CAP2: variants seen among roughly 807,000 people sequenced by gnomAD.
CAP2 encodes adenylyl cyclase-associated protein 2.
CAP2 carries 24 observed loss-of-function variants against 57.7 expected under a neutral mutation model. The ratio of observed to expected loss-of-function variants is 0.42; its 90% confidence interval spans 0.30 to 0.58. The LOEUF (loss-of-function observed/expected upper bound fraction) is 0.58. Among genes scored for constraint, CAP2 ranks in the 20% least tolerant of loss-of-function variants. The pLI, the probability that CAP2 is intolerant of heterozygous loss-of-function variation, is 0.22. For missense variants in CAP2, 501 were observed against 590.3 expected (o/e 0.85, Z 1.57); for synonymous variants, 194 against 207.2 (o/e 0.94, Z 0.55).
chr6:17,435,673 G>T (rs1411914897), intron 3 of CAP2, among the ~76,000 whole-genome samples: 1 of 30,962 alleles, frequency 3.2e-5, no homozygotes. Context: ...CTAAAACTTA[G>T]AGTATAATAA....
At chr6:17,526,222 A>G (rs761115057) in intron 7 of CAP2, among the ~76,000 whole-genome samples, 3 of 151,418 alleles carry the variant, frequency 2.0e-5, no homozygotes, top group Admixed American at 1.3e-4. Context: ...GGTTCAAGCT[A>G]TTCTCCTGCC....
intron 11 of CAP2, among the ~76,000 whole-genome samples, chr6:17,546,250 T>C (rs1763044006): frequency 6.6e-6 from 1 of 152,204 alleles, no homozygotes; most frequent in African/African-American, 2.4e-5. Context: ...TGGTATGAGA[T>C]TGTATCTCAC....
chr6:17,395,517 T>C (rs1758643335), intron 1 of CAP2, among the ~76,000 whole-genome samples: 1 of 152,212 alleles, frequency 6.6e-6, no homozygotes, highest in Non-Finnish European at 1.5e-5. Flanking sequence ...AGTAGTTTGC[T>C]ACTCCCACTG....
chr6:17,427,093 A>T (rs1251905108), intron 3 of CAP2, among the ~76,000 whole-genome samples: 1 of 152,196 alleles, frequency 6.6e-6, no homozygotes, highest in Admixed American at 6.6e-5. Flanking sequence ...AGGAAGGTGT[A>T]TCTGAGGTGA....
At chr6:17,515,968 T>C (rs1451556653) in intron 7 of CAP2, among the ~76,000 whole-genome samples, 1 of 152,152 alleles carries the variant, frequency 6.6e-6, no homozygotes, top group Non-Finnish European at 1.5e-5. Flanking sequence ...CCAAATGAAA[T>C]TGATGTTGTT....
chr6:17,533,099 G>A (rs1008804452), intron 7 of CAP2, among the ~76,000 whole-genome samples: 664 of 78,864 alleles, frequency 8.4e-3, no homozygotes, highest in South Asian at 0.014. Flanking sequence ...AAAAAAAAAA[G>A]AACTTGGAAG....
intron 1 of CAP2, among the ~76,000 whole-genome samples, chr6:17,404,502 G>A (rs1758900598): frequency 6.6e-6 from 1 of 152,112 alleles, no homozygotes; most frequent in African/African-American, 2.4e-5. Context: ...CTACTCGGGA[G>A]GCTGAGGCAG....
intron 11 of CAP2, among the ~76,000 whole-genome samples, chr6:17,549,921 C>G (rs1008292466): frequency 1.2e-4 from 18 of 152,140 alleles, no homozygotes; most frequent in African/African-American, 3.6e-4. Context: ...ACTAAAGAAG[C>G]CCCAGCACGT....
chr6:17,438,353 G>A lies in CAP2; in HGVS notation c.222+11663G>A, dbSNP rs538002178. ...TGCACTCCAACCTGGGCGAAAGAAC[G>A]AGATTCCATCTCGAAAAACAAACAA... On this transcript the variant is annotated intron_variant, in intron 3 of 12. Coordinates refer to ENST00000229922, the MANE Select transcript of CAP2 (RefSeq NM_006366.3). Among the ~76,000 whole-genome samples, 20 of 81,564 alleles carry A rather than the reference G, an allele frequency of 2.5e-4. 2 individuals carry two copies. In the East Asian group the frequency reaches 0.013, roughly 52 times the overall value. 53.5% of individuals were successfully genotyped at this position (81,564 alleles called of 152,430 possible).
At chr6:17,525,371 C>T (rs1040093171) in intron 7 of CAP2, among the ~76,000 whole-genome samples, 3 of 151,808 alleles carry the variant, frequency 2.0e-5, no homozygotes, top group South Asian at 2.1e-4. Flanking sequence ...ATTGAACCTG[C>T]GAGGCGGTTG....
intron 12 of CAP2, among the ~76,000 whole-genome samples, chr6:17,553,490 G>A (rs1052045564): frequency 4.6e-5 from 7 of 152,076 alleles, no homozygotes; most frequent in African/African-American, 1.4e-4. Flanking sequence ...AAAATTAGCT[G>A]GGCGTGGTGG....
intron 8 of CAP2, among the ~76,000 whole-genome samples, chr6:17,539,882 C>A (rs2113698474): frequency 6.6e-6 from 1 of 152,238 alleles, no homozygotes; most frequent in South Asian, 2.1e-4. Context: ...GAGTTCAAGA[C>A]CAGCCTGGGC....
intron 1 of CAP2, among the ~76,000 whole-genome samples, chr6:17,398,648 C>A (rs1758730037): frequency 6.6e-6 from 1 of 151,768 alleles, no homozygotes; most frequent in African/African-American, 2.4e-5. Flanking sequence ...CCTCAGCCTC[C>A]CAAGTAGCTG....
intron 4 of CAP2, among the ~76,000 whole-genome samples, chr6:17,474,183 GTCT>G (rs1227545637): frequency 0.016 from 1,677 of 104,704 alleles, 25 homozygotes; most frequent in African/African-American, 0.061. Flanking sequence ...GAAAAAAACA[GTCT>G]TTTTTTTTTT....
intron 4 of CAP2, among the ~76,000 whole-genome samples, chr6:17,475,417 GA>G (rs1439628877): frequency 6.6e-6 from 1 of 152,166 alleles, no homozygotes; most frequent in East Asian, 1.9e-4. Context: ...TTCCTTATGG[GA>G]AATGGGAAGA....
At chr6:17,493,283 C>G (rs1178221249) in intron 4 of CAP2, 1 of 208,396 alleles carries the variant, frequency 4.8e-6, no homozygotes, top group East Asian at 1.2e-4. Context: ...TCATATAACC[C>G]AAATAAGCCA....
chr6:17,536,621 GGAGA>G (rs1203989396), intron 7 of CAP2, among the ~76,000 whole-genome samples: 1 of 152,160 alleles, frequency 6.6e-6, no homozygotes, highest in African/African-American at 2.4e-5. Context: ...AATGGCTCTT[GGAGA>G]GAGAGTCTCT....
At chr6:17,453,073 T>G (rs1561788923) in intron 3 of CAP2, among the ~76,000 whole-genome samples, 1 of 152,306 alleles carries the variant, frequency 6.6e-6, no homozygotes, top group East Asian at 1.9e-4. Context: ...TTTTAATAAT[T>G]TATACTCCGT....
At chr6:17,489,170 A>G (rs1761490337) in intron 4 of CAP2, among the ~76,000 whole-genome samples, 1 of 152,234 alleles carries the variant, frequency 6.6e-6, no homozygotes, top group South Asian at 2.1e-4. Flanking sequence ...GCAGTGGCTC[A>G]CGCCTGTAAT....
Sources: allele counts gnomAD v4.1 joint callset (sites outside exome capture counted in the v4.1 genomes callset), GRCh38; gene constraint gnomAD v4.1.1; transcripts MANE v1.5; gene names NCBI Gene and HGNC (gene_info 2026-07-23, HGNC 2026-07-21).